EYA2: variants seen among roughly 807,000 people sequenced by gnomAD.
EYA2 encodes protein phosphatase EYA2.
In EYA2, 31 loss-of-function variants were observed where a neutral mutation model predicts 69.2. The ratio of observed to expected loss-of-function variants is 0.45; its 90% confidence interval spans 0.34 to 0.60. The LOEUF (loss-of-function observed/expected upper bound fraction) is 0.60. EYA2 is among the 20% of genes least tolerant of loss of function. EYA2 has a pLI of 0.02. For synonymous variants in EYA2, 257 were observed against 279.4 expected, an observed-to-expected ratio of 0.92 and a Z score of 0.80; for missense variants, 622 against 701.2, an observed-to-expected ratio of 0.89 and a Z score of 1.28.
intron 1 of EYA2, among the ~76,000 whole-genome samples, chr20:46,963,313 G>T (rs1033600613): frequency 1.8e-4 from 27 of 152,294 alleles, no homozygotes; most frequent in African/African-American, 6.3e-4. Flanking sequence ...GTCTGTCTCT[G>T]AACCCACCAC....
intron 1 of EYA2, among the ~76,000 whole-genome samples, chr20:46,975,770 C>T (rs916511272): frequency 3.9e-5 from 6 of 152,144 alleles, no homozygotes; most frequent in African/African-American, 1.4e-4. Context: ...CAAAAATTAG[C>T]CGGGCGTGGT....
At chr20:47,097,667 G>C (rs2032293732) in intron 9 of EYA2, among the ~76,000 whole-genome samples, 1 of 152,112 alleles carries the variant, frequency 6.6e-6, no homozygotes, top group African/African-American at 2.4e-5. Flanking sequence ...ATTATGTCGG[G>C]GAACCATCTA....
At chr20:47,130,495 G>A (rs1383359195) in intron 9 of EYA2, among the ~76,000 whole-genome samples, 1 of 151,728 alleles carries the variant, frequency 6.6e-6, no homozygotes, top group Non-Finnish European at 1.5e-5. Flanking sequence ...TCGATCTCCT[G>A]ACCTCGTGAT....
At chr20:47,143,939 C>T (rs911756030) in intron 10 of EYA2, among the ~76,000 whole-genome samples, 6 of 152,224 alleles carry the variant, frequency 3.9e-5, no homozygotes, top group Non-Finnish European at 7.3e-5. Context: ...AGTTACTTCT[C>T]TCTAATGAAA....
intron 5 of EYA2, among the ~76,000 whole-genome samples, chr20:47,053,667 C>CAAAAAAAA (rs1215223667): frequency 3.0e-5 from 2 of 66,790 alleles, no homozygotes; most frequent in African/African-American, 1.1e-4. Flanking sequence ...GACCTTGTCT[C>CAAAAAAAA]AAAAAAAAAA....
At chr20:46,910,429 C>G (rs1489847241) in intron 1 of EYA2, among the ~76,000 whole-genome samples, 1 of 152,180 alleles carries the variant, frequency 6.6e-6, no homozygotes, top group Non-Finnish European at 1.5e-5. Context: ...ACTGGAGATT[C>G]CATTTCAACA....
intron 9 of EYA2, among the ~76,000 whole-genome samples, chr20:47,128,156 G>A (rs2033247724): frequency 6.6e-6 from 1 of 152,304 alleles, no homozygotes; most frequent in East Asian, 1.9e-4. Context: ...ATTTCCAATC[G>A]CGGCCAAGGT....
intron 2 of EYA2, among the ~76,000 whole-genome samples, chr20:46,990,593 G>T (rs1372532544): frequency 6.6e-6 from 1 of 152,212 alleles, no homozygotes; most frequent in Non-Finnish European, 1.5e-5. Context: ...AAGCAGAGAA[G>T]AATTAAAGTT....
In EYA2 at chr20:47,110,055, T is replaced by C. The variant is rs572981924; in HGVS notation, c.888+12887T>C. On this transcript the variant is annotated intron_variant, in intron 9 of 15. Coordinates refer to ENST00000327619, the MANE Select transcript of EYA2 (RefSeq NM_005244.5). ...CAGACAGAGCTGTGACGAGCAACCT[T>C]TATGGACTGCTCTGAGCTTTACACC... Among the ~76,000 whole-genome samples, 105 of 152,182 alleles carry C rather than the reference T, an allele frequency of 6.9e-4. 1 individual carries two copies. The South Asian group carries it at 0.021, about 31-fold the overall frequency.
At chr20:46,971,311 A>AT (rs1384772804) in intron 1 of EYA2, among the ~76,000 whole-genome samples, 1 of 152,188 alleles carries the variant, frequency 6.6e-6, no homozygotes, top group Non-Finnish European at 1.5e-5. Flanking sequence ...AGCAGCCCAG[A>AT]TTCCTTTCAA....
intron 5 of EYA2, among the ~76,000 whole-genome samples, chr20:47,017,191 G>GC (rs1983462908): frequency 6.6e-6 from 1 of 152,052 alleles, no homozygotes; most frequent in African/African-American, 2.4e-5. Flanking sequence ...GATGCATGGA[G>GC]CAGGGGGCTG....
chr20:47,152,397 T>A (rs975398437), intron 10 of EYA2, among the ~76,000 whole-genome samples: 8 of 151,518 alleles, frequency 5.3e-5, no homozygotes, highest in Non-Finnish European at 1.2e-4. Context: ...TTTTTTTTTT[T>A]TTCTCAAAGA....
At chr20:46,990,665 ATTG>A (rs1981599184) in intron 2 of EYA2, among the ~76,000 whole-genome samples, 3 of 152,204 alleles carry the variant, frequency 2.0e-5, no homozygotes, top group African/African-American at 7.2e-5. Flanking sequence ...AATTCCAGCT[ATTG>A]TTTGTTCTGT....
chr20:47,036,577 C>T (rs1184348219), intron 5 of EYA2, among the ~76,000 whole-genome samples: 6 of 152,118 alleles, frequency 3.9e-5, no homozygotes, highest in Non-Finnish European at 7.3e-5. Context: ...CCACTTGCTT[C>T]GTAATATTGG....
chr20:46,929,308 CAGG>C (rs1568671170), intron 1 of EYA2, among the ~76,000 whole-genome samples: 1 of 151,982 alleles, frequency 6.6e-6, no homozygotes, highest in African/African-American at 2.4e-5. Context: ...CTGTTTATAG[CAGG>C]AGAATTGCAT....
At position 47,002,229 on chromosome 20, in the gene EYA2, A is replaced by G. The variant is rs548464579; in HGVS notation, c.155+756A>G. 2.7e-5 allele frequency among the ~76,000 whole-genome samples: 4 copies of G among 150,514 alleles called. No homozygotes were observed. The South Asian group carries it at 8.4e-4, about 31-fold the overall frequency. On this transcript the variant is annotated intron_variant, in intron 3 of 15. Coordinates refer to ENST00000327619, the MANE Select transcript of EYA2 (RefSeq NM_005244.5). The stretch of plus-strand genomic sequence containing the variant: ...TACTTTATTTTAAGTTCCAGTATAC[A>G]CATGCAGAACATGCAGGTTTGTTAC...
At chr20:47,091,576 CAAAA>C (rs11313572) in intron 8 of EYA2, among the ~76,000 whole-genome samples, 30 of 83,254 alleles carry the variant, frequency 3.6e-4, no homozygotes, top group African/African-American at 1.0e-3. Context: ...CCATCTCTAC[CAAAA>C]AAAAAAAAAA....
chr20:47,168,438 G>A (rs1257197394), intron 10 of EYA2, among the ~76,000 whole-genome samples: 5 of 152,018 alleles, frequency 3.3e-5, no homozygotes, highest in East Asian at 1.9e-4. Context: ...CAATCCACCC[G>A]CCTGTCTCCC....
chr20:47,084,209 G>A (rs1004430174), intron 7 of EYA2, among the ~76,000 whole-genome samples: 2 of 151,852 alleles, frequency 1.3e-5, no homozygotes, highest in Non-Finnish European at 2.9e-5. Flanking sequence ...TTGCGCCACT[G>A]CACTCCAGCC....
Sources: gnomAD v4.1 joint callset for allele counts (sites outside exome capture counted in the v4.1 genomes callset) on GRCh38, gnomAD v4.1.1 for gene constraint, MANE v1.5 for transcripts, NCBI Gene and HGNC (gene_info 2026-07-23, HGNC 2026-07-21) for gene names.